Variants in B3GAT1 observed in about 807,000 individuals in gnomAD.
B3GAT1 encodes beta-1,3-glucuronyltransferase 1.
B3GAT1 carries 11 observed loss-of-function variants against 28.4 expected under a neutral mutation model. The observed-to-expected ratio is 0.39, with a 90% CI of 0.24 to 0.64. B3GAT1 has a LOEUF of 0.64. Ranked by LOEUF, B3GAT1 falls within the 30% of genes least tolerant of loss-of-function variation. The pLI is 0.50. For synonymous variants in B3GAT1, 255 were observed against 223.1 expected, an observed-to-expected ratio of 1.14 and a Z score of -1.27; for missense variants, 375 against 491.0, an observed-to-expected ratio of 0.76 and a Z score of 2.23.
chr11:134,396,801 G>C (rs991408026), intron 1 of B3GAT1, among the ~76,000 whole-genome samples: 1 of 152,142 alleles, frequency 6.6e-6, no homozygotes, highest in African/African-American at 2.4e-5. Context: ...TGGAAGCCAC[G>C]GACCTGAAAG....
chr11:134,383,005 A>AT lies in B3GAT1; in HGVS notation c.622dup (p.Met208AsnfsTer39). ...CACGGACACCCTCCTGGTGCTGCGC[A>AT]TCTACAAGGGGGGGGTCCAGAGTCA... is the stretch of plus-strand genomic sequence containing the variant. On this transcript the variant is annotated frameshift_variant and splice_region_variant, in exon 4 of 6. Coordinates refer to ENST00000312527, the MANE Select transcript of B3GAT1 (RefSeq NM_054025.3). LOFTEE classifies it high-confidence loss of function. The AT allele has an allele frequency of 6.4e-7, 1 of 1,553,326 alleles. No homozygotes were observed. The highest frequency in any genetic ancestry group is 1.4e-5 in the African/African-American group (1 of 72,640).
intron 1 of B3GAT1, among the ~76,000 whole-genome samples, chr11:134,405,400 C>G (rs1380472796): frequency 6.6e-6 from 1 of 152,216 alleles, no homozygotes; most frequent in Admixed American, 6.5e-5. Context: ...TGGTGAGGTC[C>G]TGTGGTCAGG....
At chr11:134,404,529 C>T (rs971153424) in intron 1 of B3GAT1, among the ~76,000 whole-genome samples, 6 of 152,190 alleles carry the variant, frequency 3.9e-5, no homozygotes, top group Admixed American at 1.3e-4. Flanking sequence ...GCACACTCCT[C>T]GGAGCCTGCA....
Position 134,383,857 on chromosome 11 carries a change from C to T in B3GAT1, c.444G>A (p.Thr148=), listed in dbSNP as rs1730913946. Residue 148 remains threonine, a synonymous_variant, in exon 3 of 6, where the codon ACG becomes ACA. Transcript: ENST00000312527. ...GLNYTHLHVE[T]PRNYKLRGDA... Reference sequence around the variant, plus strand: ...CTCCGCGCAGCTTGTAGTTGCGGGGCGTCTCCACGTGCAGGTGCGTGTAGT... The same window carrying T: ...CTCCGCGCAGCTTGTAGTTGCGGGGTGTCTCCACGTGCAGGTGCGTGTAGT... 1.3e-6 allele frequency: 2 copies of T among 1,596,002 alleles called. No individual in the cohort carries two copies. Among genetic ancestry groups the T allele is most frequent in the African/African-American group, 1.3e-5 (1 of 74,658 alleles).
At chr11:134,394,562 C>T (rs898214269) in intron 1 of B3GAT1, among the ~76,000 whole-genome samples, 1 of 152,236 alleles carries the variant, frequency 6.6e-6, no homozygotes, top group African/African-American at 2.4e-5. Flanking sequence ...GTGGTCGGGC[C>T]GAGTGCCCCC....
At position 134,379,656 on chromosome 11, in the gene B3GAT1, C is replaced by T. The variant is rs78977082; in HGVS notation, c.*1106G>A. ...GCCTCCCTCCTGCTCAGTGTCCCAG[C>T]AGCCCCTGCCCCCTCTTTCCCAGCC... On this transcript the variant is annotated 3_prime_UTR_variant, in exon 6 of 6. Coordinates refer to ENST00000312527, the MANE Select transcript of B3GAT1 (RefSeq NM_054025.3). 0.043 allele frequency: 6,537 copies of T among 152,574 alleles called. 189 individuals carry two copies. The highest frequency in any genetic ancestry group is 0.13 in the South Asian group (640 of 4,826). 9.5% of individuals were successfully genotyped at this position (152,574 alleles called of 1,614,324 possible). A position where few individuals can be genotyped will look rare whatever the true frequency, so the allele number is the denominator to read the frequency against.
intron 4 of B3GAT1, 116 bp from the exon 5 acceptor site, chr11:134,382,140 A>G: frequency 1.3e-6 from 1 of 792,608 alleles, no homozygotes; most frequent in South Asian, 1.7e-5. Flanking sequence ...TTCCTTCGAG[A>G]GTTTTTCAAT....
intron 2 of B3GAT1, 183 bp from the exon 3 acceptor site, chr11:134,384,371 C>T (rs1178713040): frequency 1.6e-5 from 12 of 750,704 alleles, no homozygotes; most frequent in African/African-American, 1.4e-4. Context: ...GGAATCCTCT[C>T]TGGGAGGGTC....
chr11:134,407,895 T>C (rs1944765188), intron 1 of B3GAT1, among the ~76,000 whole-genome samples: 2 of 152,138 alleles, frequency 1.3e-5, no homozygotes, highest in Admixed American at 6.5e-5. Flanking sequence ...GAACTGAATT[T>C]TGGGGGCTCT....
In B3GAT1 at chr11:134,382,900, G is replaced by A; in HGVS notation, c.728C>T (p.Thr243Met). The A allele has an allele frequency of 1.2e-6, 2 of 1,613,766 alleles. No individual in the cohort carries two copies. The highest frequency in any genetic ancestry group is 1.7e-6 in the Non-Finnish European group (2 of 1,179,854). The change falls in exon 4 of 6, where the codon ACG becomes ATG. Residue 243 changes from threonine (T) to methionine (M), a missense_variant. Physicochemically the swap from Thr to Met is moderately conservative, Grantham distance 81. Transcript: ENST00000312527. ...AAATGGCCGGTGGGGGTCAAACACC[G>A]TCTTCCAGCCGACCACCTTCCCTGC... ...NGAGKVVGWK[T>M]VFDPHRPFAI...
chr11:134,392,258 C>G (rs1944425443), intron 1 of B3GAT1: 1 of 151,574 alleles, frequency 6.6e-6, no homozygotes, highest in Admixed American at 6.6e-5. Flanking sequence ...GGGCCAGCAC[C>G]CATGGAACTG....
chr11:134,407,138 G>A (rs1944749579), intron 1 of B3GAT1, among the ~76,000 whole-genome samples: 1 of 152,256 alleles, frequency 6.6e-6, no homozygotes, highest in Admixed American at 6.5e-5. Context: ...GCTGCTCAGG[G>A]TGGGGACGGA....
intron 1 of B3GAT1, among the ~76,000 whole-genome samples, chr11:134,395,238 A>G (rs1321251733): frequency 6.6e-6 from 1 of 152,218 alleles, no homozygotes; most frequent in African/African-American, 2.4e-5. Context: ...GGGGATGGGC[A>G]CACAGATGCT....
In B3GAT1 at chr11:134,388,297, A is replaced by G. The variant is rs115528319; in HGVS notation, c.-281-357T>C. 8.4e-3 allele frequency: 1,815 copies of G among 215,378 alleles called. 39 individuals carry two copies. Among genetic ancestry groups the G allele is most frequent in the African/African-American group, 0.037 (1,701 of 45,416 alleles). 13.3% of individuals were successfully genotyped at this position (215,378 alleles called of 1,614,324 possible). A position where few individuals can be genotyped will look rare whatever the true frequency, so the allele number is the denominator to read the frequency against. On this transcript the variant is annotated intron_variant, in intron 1 of 5. Transcript: ENST00000312527. ...AGTTTTCCCATCTATAAAATGGGGC[A>G]CTGTGGATCCCTACCTCATAAGGTC...
Position 134,388,155 on chromosome 11 carries a change from A to C in B3GAT1, c.-281-215T>G, listed in dbSNP as rs1308451273. 4 of 344,212 alleles carry C rather than the reference A, an allele frequency of 1.2e-5. No homozygotes were observed. In the East Asian group the frequency reaches 3.0e-4, roughly 26 times the overall value. 21.3% of individuals were successfully genotyped at this position (344,212 alleles called of 1,614,324 possible). On this transcript the variant is annotated intron_variant, in intron 1 of 5. Transcript: ENST00000312527. ...GCCATGGCTCTGCTCCATTTATGAA[A>C]GTCAGTAGGGTGCAGGGGTCAGAAG...
intron 1 of B3GAT1, among the ~76,000 whole-genome samples, chr11:134,395,276 G>A (rs1289067068): frequency 6.6e-6 from 1 of 152,240 alleles, no homozygotes; most frequent in Non-Finnish European, 1.5e-5. Flanking sequence ...GCCGGAGAGG[G>A]AGCGGCAGCT....
chr11:134,386,093 G>T (rs1432077608), intron 2 of B3GAT1: 1 of 152,300 alleles, frequency 6.6e-6, no homozygotes, highest in African/African-American at 2.4e-5. Context: ...GTCGGGAGGA[G>T]AGGATGATGT....
chr11:134,379,781 A>ACCTTGCCCACCACCCACCG lies in B3GAT1; in HGVS notation c.*962_*980dup, dbSNP rs1555092269. The ACCTTGCCCACCACCCACCG allele has an allele frequency of 0.089, 13,474 of 151,744 alleles. 751 individuals carry two copies. The highest frequency in any genetic ancestry group is 0.11 in the Non-Finnish European group (7,773 of 67,882). 9.4% of individuals were successfully genotyped at this position (151,744 alleles called of 1,614,324 possible). ...CTCTTTCCAGGCTGCAGGAGGTCCC[A>ACCTTGCCCACCACCCACCG]CCTTGCCCACCACCCACCGCCTTGC... On this transcript the variant is annotated 3_prime_UTR_variant, in exon 6 of 6. Coordinates refer to ENST00000312527, the MANE Select transcript of B3GAT1 (RefSeq NM_054025.3).
intron 3 of B3GAT1, 69 bp downstream of exon 3, chr11:134,383,611 C>A (rs779603737): frequency 1.2e-5 from 17 of 1,446,600 alleles, no homozygotes; most frequent in Non-Finnish European, 1.5e-5. Flanking sequence ...ACCCACACCC[C>A]CTTCTCGGGA....
Sources: allele counts gnomAD v4.1 joint callset (sites outside exome capture counted in the v4.1 genomes callset), GRCh38; gene constraint gnomAD v4.1.1; transcripts MANE v1.5; gene names NCBI Gene and HGNC (gene_info 2026-07-23, HGNC 2026-07-21).